MSRA: variants seen among roughly 807,000 people sequenced by gnomAD.
The protein encoded by MSRA is methionine sulfoxide reductase A, also known as mitochondrial peptide methionine sulfoxide reductase.
In MSRA, 54 loss-of-function variants were observed where a neutral mutation model predicts 31.3. The ratio of observed to expected loss-of-function variants is 1.73; its 90% CI spans 1.39 to 2.17. The LOEUF is 2.17. Ranked by LOEUF, MSRA falls within the 30% of genes most tolerant of loss-of-function variation. MSRA has a pLI of 0.00. For missense variants in MSRA, 507 were observed against 300.9 expected (o/e 1.69, Z -5.07); for synonymous variants, 169 against 116.5 (o/e 1.45, Z -2.90).
intron 5 of MSRA, among the ~76,000 whole-genome samples, chr8:10,323,808 A>G (rs886508967): frequency 3.6e-5 from 5 of 138,946 alleles, no homozygotes; most frequent in East Asian, 2.1e-4. Context: ...CTGCATGTCT[A>G]TGTGTCTGTT....
intron 5 of MSRA, among the ~76,000 whole-genome samples, chr8:10,374,551 A>G (rs1805653401): frequency 6.6e-6 from 1 of 152,222 alleles, no homozygotes; most frequent in South Asian, 2.1e-4. Context: ...TCTTCCAGAT[A>G]GTACATGACA....
chr8:10,196,754 T>G (rs1585143842), intron 1 of MSRA, among the ~76,000 whole-genome samples: 1 of 151,828 alleles, frequency 6.6e-6, no homozygotes, highest in East Asian at 1.9e-4. Context: ...TAATTTTTAG[T>G]AGAAATGGGG....
At chr8:10,273,582 C>T (rs1055910270) in intron 3 of MSRA, among the ~76,000 whole-genome samples, 8 of 152,100 alleles carry the variant, frequency 5.3e-5, no homozygotes, top group African/African-American at 1.7e-4. Context: ...TTATTAATAT[C>T]ACAATTATCA....
intron 5 of MSRA, among the ~76,000 whole-genome samples, chr8:10,402,652 A>G (rs1349432534): frequency 6.6e-6 from 1 of 152,230 alleles, no homozygotes; most frequent in Admixed American, 6.5e-5. Context: ...CACAATGGAA[A>G]GAAACTGTCC....
At chr8:10,193,079 G>T (rs986911834) in intron 1 of MSRA, among the ~76,000 whole-genome samples, 3 of 152,166 alleles carry the variant, frequency 2.0e-5, no homozygotes, top group Non-Finnish European at 2.9e-5. Context: ...CTAATATCCT[G>T]GCAGACCTAT....
Position 10,301,549 on chromosome 8 carries a change from C to A in MSRA, c.347C>A (p.Ala116Glu). ...TTTTTCCAAGAAAAAACTGGCCATG[C>A]AGAAGTCGTCCGAGTGGTGTACCAG... Reference protein sequence around the residue: ...KEVCSEKTGHAEVVRVVYQPE... With the variant: ...KEVCSEKTGHEEVVRVVYQPE... The change falls in exon 4 of 6, where the codon GCA (alanine) becomes GAA (glutamate). Residue 116 changes from alanine to glutamate, a missense_variant. By Grantham distance (107) the Ala-to-Glu change is moderately radical (BLOSUM62 -1). Transcript: ENST00000317173. The A allele has an allele frequency of 6.2e-7, 1 of 1,613,422 alleles. No individual in the cohort carries two copies. The highest frequency in any genetic ancestry group is 8.5e-7 in the Non-Finnish European group (1 of 1,179,848).
chr8:10,171,365 G>A (rs561688539), intron 1 of MSRA, among the ~76,000 whole-genome samples: 2 of 102,426 alleles, frequency 2.0e-5, no homozygotes, highest in East Asian at 7.0e-4. Context: ...AATTTAAACT[G>A]TACTTTTTTT....
intron 5 of MSRA, among the ~76,000 whole-genome samples, chr8:10,385,883 A>G (rs535287233): frequency 1.3e-3 from 200 of 152,158 alleles, no homozygotes; most frequent in Middle Eastern, 3.4e-3. Context: ...GGAAGAGGAA[A>G]CTGCCTGGGT....
Position 10,096,032 on chromosome 8 carries a change from T to A in MSRA, c.142+41374T>A, listed in dbSNP as rs182360159. 2.4e-5 allele frequency: 35 copies of A among 1,459,554 alleles called. No individual in the cohort carries two copies. In the East Asian group the frequency reaches 8.6e-4, roughly 36 times the overall value. 90.4% of individuals were successfully genotyped at this position (1,459,554 alleles called of 1,614,324 possible). The stretch of plus-strand genomic sequence containing the variant: ...CAAATCAGAAAGACATCCTTCGGAA[T>A]GTGTTCAGAACGTAAGTTTTTAGAT... On this transcript the variant is annotated intron_variant, in intron 1 of 5. Coordinates refer to ENST00000317173, the MANE Select transcript of MSRA (RefSeq NM_012331.5).
chr8:10,202,776 G>T (rs1225053424), intron 1 of MSRA, among the ~76,000 whole-genome samples: 1 of 152,184 alleles, frequency 6.6e-6, no homozygotes, highest in East Asian at 1.9e-4. Context: ...ACACTGTTCT[G>T]AGTGCTTTTT....
intron 5 of MSRA, among the ~76,000 whole-genome samples, chr8:10,379,574 T>A (rs1805944728): frequency 6.6e-6 from 1 of 151,778 alleles, no homozygotes; most frequent in Admixed American, 6.6e-5. Context: ...CCCTCCGCCT[T>A]CCCCCCTCTT....
chr8:10,091,843 G>A (rs932033994), intron 1 of MSRA, among the ~76,000 whole-genome samples: 1 of 152,088 alleles, frequency 6.6e-6, no homozygotes, highest in African/African-American at 2.4e-5. Flanking sequence ...TTGTCCTCAG[G>A]CAATCTGCTT....
chr8:10,289,315 C>G (rs1162851243), intron 3 of MSRA, among the ~76,000 whole-genome samples: 2 of 151,896 alleles, frequency 1.3e-5, no homozygotes, highest in African/African-American at 2.4e-5. Context: ...ACCCAGCCTT[C>G]TTTTTAATTT....
At chr8:10,138,026 T>G (rs1413513388) in intron 1 of MSRA, among the ~76,000 whole-genome samples, 1 of 152,194 alleles carries the variant, frequency 6.6e-6, no homozygotes, top group African/African-American at 2.4e-5. Flanking sequence ...GGGATTGGAA[T>G]GTGACTTAGT....
intron 2 of MSRA, among the ~76,000 whole-genome samples, chr8:10,221,562 C>T (rs972613005): frequency 2.0e-5 from 3 of 151,998 alleles, no homozygotes; most frequent in Admixed American, 2.0e-4. Context: ...TGGCCTGGCA[C>T]TGAGATTATT....
At chr8:10,386,211 C>T (rs113164981) in intron 5 of MSRA, among the ~76,000 whole-genome samples, 1,720 of 152,278 alleles carry the variant, frequency 0.011, 35 homozygotes, top group African/African-American at 0.04. Flanking sequence ...AGCTGGACCT[C>T]GGAGAGGGGA....
chr8:10,136,208 C>T (rs757947552), intron 1 of MSRA, among the ~76,000 whole-genome samples: 53 of 152,298 alleles, frequency 3.5e-4, no homozygotes, highest in Non-Finnish European at 4.9e-4. Context: ...AGGAGCTCTG[C>T]GGTGCAGAGA....
intron 5 of MSRA, among the ~76,000 whole-genome samples, chr8:10,396,298 A>T (rs1334165958): frequency 1.3e-5 from 2 of 151,782 alleles, no homozygotes; most frequent in African/African-American, 4.8e-5. Context: ...TCCCCTCCTT[A>T]CTTCTTTTTT....
At chr8:10,410,753 C>A (rs188784138) in intron 5 of MSRA, among the ~76,000 whole-genome samples, 112 of 152,302 alleles carry the variant, frequency 7.4e-4, no homozygotes, top group African/African-American at 2.5e-3. Context: ...CACAGTGCTG[C>A]TTTCAGTGTA....
Sources: allele counts gnomAD v4.1 joint callset (sites outside exome capture counted in the v4.1 genomes callset), GRCh38; gene constraint gnomAD v4.1.1; transcripts MANE v1.5; gene names NCBI Gene and HGNC (gene_info 2026-07-23, HGNC 2026-07-21).